The following LAMA3 variants were observed in gnomAD, a reference collection of about 807,000 sequenced individuals.
The protein encoded by LAMA3 is laminin subunit alpha-3.
LAMA3 carries 281 observed loss-of-function variants against 402.0 expected under a neutral mutation model. The observed-to-expected ratio is 0.70, with a 90% CI of 0.63 to 0.77. The LOEUF (loss-of-function observed/expected upper bound fraction) is 0.77. Among genes scored for constraint, LAMA3 ranks in the 30% least tolerant of loss-of-function variants. The pLI is 0.00. For missense variants in LAMA3, 3,840 were observed against 4,215.5 expected, an observed-to-expected ratio of 0.91 and a Z score of 2.47; for synonymous variants, 1,431 against 1,558.4, an observed-to-expected ratio of 0.92 and a Z score of 1.93.
intron 36 of LAMA3, 33 bp from the exon 37 acceptor site, chr18:23,867,801 G>A (rs1472780340): frequency 1.4e-6 from 2 of 1,478,538 alleles, no homozygotes; most frequent in South Asian, 2.3e-5. Flanking sequence ...TCCCAGTGAA[G>A]GTACTAACAC....
intron 17 of LAMA3, among the ~76,000 whole-genome samples, chr18:23,816,106 C>T (rs2063170522): frequency 6.6e-6 from 1 of 152,228 alleles, no homozygotes; most frequent in Non-Finnish European, 1.5e-5. Flanking sequence ...CCGCCTCCAA[C>T]TTAGAAGCAG....
At chr18:23,878,893 G>T (rs2064808530) in intron 39 of LAMA3, among the ~76,000 whole-genome samples, 1 of 152,042 alleles carries the variant, frequency 6.6e-6, no homozygotes, top group South Asian at 2.1e-4. Flanking sequence ...CGTCCAGAGG[G>T]ACCTGCGATG....
Position 23,861,767 on chromosome 18 carries a change from G to A in LAMA3, c.4544G>A (p.Ser1515Asn), listed in dbSNP as rs35639250. The A allele has an allele frequency of 9.9e-5, 159 of 1,613,786 alleles. 1 individual carries two copies. The African/African-American group carries it at 2.0e-3, about 21-fold the overall frequency. ...CAGGAGCTGCCCGCAACCATCCACA[G>A]CGCGTCCTGGGTCGCACCCACCTCC... ...DLQELPATIH[S>N]ASWVAPTSYL... Residue 1515 changes from serine to asparagine, a missense_variant, in exon 35 of 75, where the codon AGC becomes AAC. Transcript: ENST00000313654.
chr18:23,938,440 GGTT>G (rs1246579432), intron 67 of LAMA3, among the ~76,000 whole-genome samples: 1 of 152,130 alleles, frequency 6.6e-6, no homozygotes. Context: ...CATTTATTAT[GGTT>G]GTTTTTCTGC....
intron 60 of LAMA3, among the ~76,000 whole-genome samples, chr18:23,920,350 T>C (rs556830763): frequency 6.6e-6 from 1 of 152,040 alleles, no homozygotes; most frequent in Non-Finnish European, 1.5e-5. Flanking sequence ...AGGTCTAGGC[T>C]GGGGAGAACA....
intron 16 of LAMA3, 29 bp from the exon 17 acceptor site, chr18:23,815,439 A>C (rs755769953): frequency 1.9e-6 from 3 of 1,559,916 alleles, no homozygotes; most frequent in Non-Finnish European, 1.8e-6. Context: ...ATTATATCAA[A>C]TGTTGTCATC....
intron 42 of LAMA3, among the ~76,000 whole-genome samples, chr18:23,892,719 A>G (rs992962082): frequency 6.6e-6 from 1 of 152,106 alleles, no homozygotes; most frequent in Non-Finnish European, 1.5e-5. Context: ...CCTGGCCAAC[A>G]TGGGGAAACC....
chr18:23,916,943 G>A (rs938415406), intron 60 of LAMA3, among the ~76,000 whole-genome samples: 2 of 151,816 alleles, frequency 1.3e-5, no homozygotes, highest in African/African-American at 4.8e-5. Flanking sequence ...CATGTCACAG[G>A]GGTTTGGTGC....
At chr18:23,938,818 C>CG (rs1568367698) in intron 67 of LAMA3, among the ~76,000 whole-genome samples, 10 of 6,888 alleles carry the variant, frequency 1.5e-3, no homozygotes, top group African/African-American at 1.6e-3. Context: ...GCATGCTCCC[C>CG]AAAGGAGGGA....
chr18:23,898,720 T>C lies in LAMA3; in HGVS notation c.5614-18T>C. ...TCTTTATACTGTAAAGTGACATTCA[T>C]TTGTGTTTTGTTTCCAGAATCAGTT... On this transcript the variant is annotated intron_variant, in intron 44 of 74. Coordinates refer to ENST00000313654, the MANE Select transcript of LAMA3 (RefSeq NM_198129.4). 7.6e-7 allele frequency: 1 copy of C among 1,316,228 alleles called. No individual in the cohort carries two copies. The highest frequency in any genetic ancestry group is 1.1e-6 in the Non-Finnish European group (1 of 908,310). The allele number at this position is 1,316,228 out of a possible 1,614,324, so 81.5% of individuals were successfully genotyped here.
Position 23,861,786 on chromosome 18 carries a change from C to T in LAMA3, c.4563C>T (p.Pro1521=). The change falls in exon 35 of 75, where the codon CCC becomes CCT. Residue 1521 remains proline, a synonymous_variant. Transcript: ENST00000313654. ...TCCACAGCGCGTCCTGGGTCGCACCCACCTCCTACCTGGGGGACAAGGTAA... is the reference window on the plus strand; with the variant it reads ...TCCACAGCGCGTCCTGGGTCGCACCTACCTCCTACCTGGGGGACAAGGTAA... ...ATIHSASWVA[P]TSYLGDKVSS... is the part of the protein sequence containing the mutation. The T allele has an allele frequency of 1.1e-5, 17 of 1,613,266 alleles. No homozygotes were observed. Among genetic ancestry groups the T allele is most frequent in the Non-Finnish European group, 1.4e-5 (17 of 1,179,572 alleles).
intron 34 of LAMA3, 139 bp downstream of exon 34, chr18:23,858,968 A>T: frequency 1.1e-6 from 1 of 875,476 alleles, no homozygotes; most frequent in South Asian, 1.4e-5. Context: ...CTCGAATGCC[A>T]TGTGTTCAGA....
chr18:23,814,338 C>T (rs960386318), intron 14 of LAMA3, 65 bp from the exon 15 acceptor site: 11 of 1,201,618 alleles, frequency 9.2e-6, no homozygotes, highest in African/African-American at 6.0e-5. Context: ...TCTTTGCTCA[C>T]GCACAGGTTT....
At chr18:23,846,754 T>C (rs1017207497) in intron 31 of LAMA3, among the ~76,000 whole-genome samples, 1 of 152,300 alleles carries the variant, frequency 6.6e-6, no homozygotes, top group Middle Eastern at 3.4e-3. Context: ...AGATAAGTAT[T>C]TGTGACTCCC....
chr18:23,895,073 G>T lies in LAMA3; in HGVS notation c.5613+15G>T. 6.3e-7 allele frequency: 1 copy of T among 1,577,810 alleles called. No homozygotes were observed. The highest frequency in any genetic ancestry group is 8.6e-7 in the Non-Finnish European group (1 of 1,162,266). ...AGGACCTGAGGGTAAATCCCCTGCG[G>T]CCGAGAGTAGACACGTGGGGAGGAG... On this transcript the variant is annotated intron_variant, in intron 44 of 74. Coordinates refer to ENST00000313654, the MANE Select transcript of LAMA3 (RefSeq NM_198129.4).
intron 18 of LAMA3, among the ~76,000 whole-genome samples, 188 bp from the exon 19 acceptor site, chr18:23,819,644 GTGTGTTTTA>G (rs1272668379): frequency 6.6e-6 from 1 of 152,200 alleles, no homozygotes; most frequent in Non-Finnish European, 1.5e-5. Flanking sequence ...TAGGCGTTGA[GTGTGTTTTA>G]TGTGAATGTT....
chr18:23,853,657 G>A (rs1024636979), intron 32 of LAMA3, among the ~76,000 whole-genome samples: 5 of 152,186 alleles, frequency 3.3e-5, no homozygotes, highest in African/African-American at 9.7e-5. Context: ...ATGCCCAGAT[G>A]TTGTTACAAA....
At chr18:23,822,670 A>G (rs1014695393) in intron 20 of LAMA3, among the ~76,000 whole-genome samples, 1 of 152,256 alleles carries the variant, frequency 6.6e-6, no homozygotes, top group African/African-American at 2.4e-5. Flanking sequence ...GAGCTCATTT[A>G]TAACTCATTC....
intron 2 of LAMA3, among the ~76,000 whole-genome samples, chr18:23,740,150 G>T (rs2061538833): frequency 6.6e-6 from 1 of 152,166 alleles, no homozygotes; most frequent in Non-Finnish European, 1.5e-5. Flanking sequence ...GCTCAGAGCT[G>T]TTGGGTTCCG....
Sources: allele counts gnomAD v4.1 joint callset (sites outside exome capture counted in the v4.1 genomes callset), GRCh38; gene constraint gnomAD v4.1.1; transcripts MANE v1.5; gene names NCBI Gene and HGNC (gene_info 2026-07-23, HGNC 2026-07-21).